PPARGC1A: variants seen among roughly 807,000 people sequenced by gnomAD.
PPARGC1A encodes PPARG coactivator 1 alpha.
In PPARGC1A, 25 loss-of-function variants were observed where a neutral mutation model predicts 88.7. The observed-to-expected ratio is 0.28, with a 90% CI of 0.21 to 0.39. The LOEUF is 0.39. PPARGC1A is among the 10% of genes least tolerant of loss of function. The probability of loss-of-function intolerance (pLI) is 1.00; values close to 1 mark genes in which losing one functional copy is unlikely to be tolerated. For synonymous variants in PPARGC1A, 363 were observed against 355.6 expected, an observed-to-expected ratio of 1.02 and a Z score of -0.24; for missense variants, 880 against 968.7, an observed-to-expected ratio of 0.91 and a Z score of 1.22.
intron 1 of PPARGC1A, among the ~76,000 whole-genome samples, chr4:23,885,949 G>A (rs1391960084): frequency 6.6e-6 from 1 of 152,122 alleles, no homozygotes; most frequent in Non-Finnish European, 1.5e-5. Context: ...CTTTTTAACT[G>A]TTTTACCATG....
At chr4:24,004,286 A>T in the PPARGC1A span, among the ~76,000 whole-genome samples, 1 of 152,342 alleles carries the variant, frequency 6.6e-6, no homozygotes, top group East Asian at 1.9e-4. Flanking sequence ...TTTTAAAAAG[A>T]AAAGTCCAAA....
chr4:24,272,653 C>T, the PPARGC1A span, among the ~76,000 whole-genome samples: 7 of 152,192 alleles, frequency 4.6e-5, no homozygotes, highest in Non-Finnish European at 1.0e-4. Flanking sequence ...TTCCAAGATC[C>T]TCACACAAAG....
chr4:24,281,035 T>G, the PPARGC1A span, among the ~76,000 whole-genome samples: 1 of 152,196 alleles, frequency 6.6e-6, no homozygotes, highest in African/African-American at 2.4e-5. Flanking sequence ...GCCACCTCTA[T>G]TTCCCTGCCT....
chr4:24,109,432 G>A, the PPARGC1A span, among the ~76,000 whole-genome samples: 1 of 152,024 alleles, frequency 6.6e-6, no homozygotes, highest in Non-Finnish European at 1.5e-5. Context: ...CATTATTTTT[G>A]TGGTTATTCA....
At chr4:23,962,140 A>G in the PPARGC1A span, among the ~76,000 whole-genome samples, 1 of 152,056 alleles carries the variant, frequency 6.6e-6, no homozygotes, top group South Asian at 2.1e-4. Flanking sequence ...TTTAATAACA[A>G]CAAGGGAAAG....
the PPARGC1A span, among the ~76,000 whole-genome samples, chr4:24,440,059 T>A: frequency 3.9e-5 from 6 of 152,156 alleles, no homozygotes; most frequent in South Asian, 4.1e-4. Context: ...CAAAAAGAGG[T>A]CTCCTTCTTT....
the PPARGC1A span, among the ~76,000 whole-genome samples, chr4:24,461,478 AGAGG>A: frequency 1.2e-4 from 18 of 152,336 alleles, no homozygotes; most frequent in African/African-American, 4.1e-4. Flanking sequence ...AGAGAAAGAA[AGAGG>A]GAGAGACAGA....
chr4:24,154,446 G>A, the PPARGC1A span, among the ~76,000 whole-genome samples: 1 of 152,218 alleles, frequency 6.6e-6, no homozygotes, highest in African/African-American at 2.4e-5. Flanking sequence ...GTATGGCAGA[G>A]CTTTAAAATT....
At chr4:23,905,760 T>C (rs898343974), upstream of PPARGC1A, among the ~76,000 whole-genome samples, 1 of 152,178 alleles carries the variant, frequency 6.6e-6, no homozygotes, top group South Asian at 2.1e-4. Context: ...TAAGTAACTT[T>C]TCTAAAGACA....
intron 2 of PPARGC1A, among the ~76,000 whole-genome samples, chr4:23,865,422 C>A (rs1384985774): frequency 6.6e-6 from 1 of 152,114 alleles, no homozygotes; most frequent in Non-Finnish European, 1.5e-5. Context: ...CACACATAAC[C>A]AAGGGTAGTG....
At chr4:23,879,123 C>T (rs1191366926) in intron 2 of PPARGC1A, among the ~76,000 whole-genome samples, 2 of 152,132 alleles carry the variant, frequency 1.3e-5, no homozygotes, top group African/African-American at 4.8e-5. Flanking sequence ...ATTCAGTCCT[C>T]CCACATAACA....
the PPARGC1A span, among the ~76,000 whole-genome samples, chr4:23,961,969 A>C: frequency 2.3e-4 from 35 of 152,224 alleles, no homozygotes; most frequent in African/African-American, 8.4e-4. Flanking sequence ...CACGACCAAT[A>C]AAGATAATGA....
rs1717022489 is a variant in PPARGC1A, at chr4:23,793,590, G to C, written c.*2232C>G. ...TAGGTGTATCATGTCTTCCAGAAAA[G>C]TCATGTCAGCCAAACAGTAATCGAA... On this transcript the variant is annotated 3_prime_UTR_variant, in exon 13 of 13. Transcript: ENST00000264867. 6.6e-6 allele frequency: 1 copy of C among 152,216 alleles called. No individual in the cohort carries two copies. Among genetic ancestry groups the C allele is most frequent in the East Asian group, 1.9e-4 (1 of 5,188 alleles). The allele number at this position is 152,216 out of a possible 1,614,324, so 9.4% of individuals were successfully genotyped here.
the PPARGC1A span, among the ~76,000 whole-genome samples, chr4:23,976,133 G>C: frequency 1.3e-5 from 2 of 152,188 alleles, no homozygotes; most frequent in Admixed American, 6.5e-5. Context: ...GAAAAATGAA[G>C]GGCAGAATGT....
chr4:24,424,182 T>G, the PPARGC1A span, among the ~76,000 whole-genome samples: 1 of 151,422 alleles, frequency 6.6e-6, no homozygotes, highest in Non-Finnish European at 1.5e-5. Flanking sequence ...TTGGCATTAT[T>G]TGAGGAGCCT....
At chr4:23,912,439 C>G in the PPARGC1A span, among the ~76,000 whole-genome samples, 2 of 152,154 alleles carry the variant, frequency 1.3e-5, no homozygotes, top group African/African-American at 4.8e-5. Flanking sequence ...TCATGTGTGT[C>G]AATTTGGCTC....
At chr4:24,456,689 A>C in the PPARGC1A span, among the ~76,000 whole-genome samples, 2 of 151,924 alleles carry the variant, frequency 1.3e-5, no homozygotes, top group African/African-American at 4.8e-5. Context: ...ATATCATGGG[A>C]TCTCTCAGCT....
At chr4:24,004,408 T>C in the PPARGC1A span, among the ~76,000 whole-genome samples, 1 of 152,224 alleles carries the variant, frequency 6.6e-6, no homozygotes, top group East Asian at 1.9e-4. Flanking sequence ...AAAGTCCACA[T>C]CAGTTGGGAT....
the PPARGC1A span, among the ~76,000 whole-genome samples, chr4:23,979,338 A>C: frequency 2.0e-5 from 3 of 152,232 alleles, no homozygotes; most frequent in Non-Finnish European, 4.4e-5. Flanking sequence ...AATGTTATGC[A>C]GACAAAGGCA....
Sources: gnomAD v4.1 joint callset for allele counts (sites outside exome capture counted in the v4.1 genomes callset) on GRCh38, gnomAD v4.1.1 for gene constraint, MANE v1.5 for transcripts, NCBI Gene and HGNC (gene_info 2026-07-23, HGNC 2026-07-21) for gene names.